HIVEP2: variants seen among roughly 807,000 people sequenced by gnomAD.
HIVEP2 encodes the protein transcription factor HIVEP2.
In HIVEP2, 14 loss-of-function variants were observed where a neutral mutation model predicts 180.7. That is an observed-to-expected ratio of 0.08 (90% CI 0.05 to 0.12). HIVEP2 has a LOEUF of 0.12. HIVEP2 is among the 10% of genes least tolerant of loss of function. The pLI is 1.00. For missense variants in HIVEP2, 2,579 were observed against 3,008.5 expected, an observed-to-expected ratio of 0.86 and a Z score of 3.34; for synonymous variants, 1,184 against 1,136.4, an observed-to-expected ratio of 1.04 and a Z score of -0.84.
intron 2 of HIVEP2, among the ~76,000 whole-genome samples, chr6:142,816,657 C>G (rs1263064361): frequency 6.6e-6 from 1 of 152,184 alleles, no homozygotes; most frequent in African/African-American, 2.4e-5. Flanking sequence ...CCTCCTAAAG[C>G]AAACTATACA....
In HIVEP2 at chr6:142,753,936, G is replaced by T; in HGVS notation, c.6517-5C>A. On this transcript the variant is annotated splice_polypyrimidine_tract_variant and splice_region_variant and intron_variant, in intron 9 of 9. Coordinates refer to ENST00000367603, the MANE Select transcript of HIVEP2 (RefSeq NM_006734.4). ...AGGTAATCCTCTTCTTAAATTCTGC[G>T]CAGAGAAACAAAGAGAGCACAAAAT... The T allele has an allele frequency of 1.3e-6, 2 of 1,517,792 alleles. No individual in the cohort carries two copies. Among genetic ancestry groups the T allele is most frequent in the South Asian group, 1.2e-5 (1 of 85,576 alleles). The allele number at this position is 1,517,792 out of a possible 1,614,324, so 94.0% of individuals were successfully genotyped here.
chr6:142,929,705 G>A (rs1208925996), intron 1 of HIVEP2, among the ~76,000 whole-genome samples: 1 of 152,164 alleles, frequency 6.6e-6, no homozygotes, highest in African/African-American at 2.4e-5. Context: ...AAGACTTGAA[G>A]TTTCCCAAAC....
rs201256757 is a variant in HIVEP2, at chr6:142,759,139, C to A, written c.6516+633G>T. Among the ~76,000 whole-genome samples the A allele has an allele frequency of 6.4e-4, 97 of 151,794 alleles. 1 individual carries two copies. The East Asian group carries it at 0.018, about 28-fold the overall frequency. On this transcript the variant is annotated intron_variant, in intron 9 of 9. Coordinates refer to ENST00000367603, the MANE Select transcript of HIVEP2 (RefSeq NM_006734.4). ...CAACATGGTGAAACCCTGCCTCTAC[C>A]AATAAATACAAAAATTAGCCAGGTG...
rs200035169 is a variant in HIVEP2, at chr6:142,773,659, A to G, written c.1080T>C (p.Asp360=). 6.2e-7 allele frequency: 1 copy of G among 1,614,198 alleles called. No homozygotes were observed. Among genetic ancestry groups the G allele is most frequent in the African/African-American group, 1.3e-5 (1 of 75,042 alleles). ...LPNPSLNTKA[D]DSHTVKQKLA... ...GTTTCTGTTTGACTGTGTGCGAATCATCAGCCTTAGTATTTAAAGATGGAT... is the reference window on the plus strand; with the variant it reads ...GTTTCTGTTTGACTGTGTGCGAATCGTCAGCCTTAGTATTTAAAGATGGAT... The change falls in exon 5 of 10, where the codon GAT becomes GAC. Residue 360 remains aspartate, a synonymous_variant. Transcript: ENST00000367603.
intron 6 of HIVEP2, among the ~76,000 whole-genome samples, 185 bp from the exon 7 acceptor site, chr6:142,765,159 T>A (rs1233796711): frequency 6.6e-6 from 1 of 152,190 alleles, no homozygotes; most frequent in Non-Finnish European, 1.5e-5. Context: ...AGATAATAGA[T>A]TTGGCACTGT....
intron 1 of HIVEP2, among the ~76,000 whole-genome samples, chr6:142,939,617 C>T (rs1778129776): frequency 1.3e-5 from 2 of 152,180 alleles, no homozygotes; most frequent in South Asian, 2.1e-4. Flanking sequence ...GAATCACCTC[C>T]TCTCATAAGA....
intron 1 of HIVEP2, among the ~76,000 whole-genome samples, chr6:142,853,858 G>A (rs1277763430): frequency 6.6e-6 from 1 of 152,138 alleles, no homozygotes; most frequent in African/African-American, 2.4e-5. Context: ...AAAGAGGGCA[G>A]GGAAAATAAG....
At chr6:142,809,691 T>A (rs1300976160) in intron 2 of HIVEP2, among the ~76,000 whole-genome samples, 1 of 152,116 alleles carries the variant, frequency 6.6e-6, no homozygotes, top group African/African-American at 2.4e-5. Flanking sequence ...CCTCCCTAGT[T>A]CAAGTGATTC....
At chr6:142,794,433 G>A (rs1776232942) in intron 2 of HIVEP2, among the ~76,000 whole-genome samples, 1 of 152,134 alleles carries the variant, frequency 6.6e-6, no homozygotes, top group African/African-American at 2.4e-5. Context: ...AATGACAGAA[G>A]CTCTCTGAAT....
At chr6:142,881,663 TTC>T (rs1776577204) in intron 1 of HIVEP2, among the ~76,000 whole-genome samples, 2 of 152,202 alleles carry the variant, frequency 1.3e-5, no homozygotes, top group Non-Finnish European at 2.9e-5. Flanking sequence ...ACAGATCTCC[TTC>T]TCTCTTAGAA....
At chr6:142,801,218 A>C (rs907736928) in intron 2 of HIVEP2, among the ~76,000 whole-genome samples, 1 of 150,472 alleles carries the variant, frequency 6.6e-6, no homozygotes. Flanking sequence ...AAAACGAGGG[A>C]ATACACACAA....
chr6:142,770,189 G>A lies in HIVEP2; in HGVS notation c.4550C>T (p.Ser1517Leu), dbSNP rs1004404974. 10 of 1,614,070 alleles carry A rather than the reference G, an allele frequency of 6.2e-6. No individual in the cohort carries two copies. The highest frequency in any genetic ancestry group is 1.3e-5 in the African/African-American group (1 of 74,934). The change falls in exon 5 of 10, where the codon TCG becomes TTG. Residue 1517 changes from serine to leucine, a missense_variant. By Grantham distance (145) the Ser-to-Leu change is moderately radical. Transcript: ENST00000367603. The surrounding 1 kb of genome is among the most constrained non-coding windows in gnomAD (Gnocchi z 4.7). ...GTCTTGAGATGAGGAGGGCGACAGC[G>A]AGGAGAAGGAAGATGACCCTGACTG... ...GLQSGSSSFS[S>L]LSPSSSQDYP... is the part of the protein sequence containing the mutation.
chr6:142,760,751 C>T lies in HIVEP2; in HGVS notation c.5621-84G>A, dbSNP rs775660791. On this transcript the variant is annotated intron_variant, in intron 8 of 9. Coordinates refer to ENST00000367603, the MANE Select transcript of HIVEP2 (RefSeq NM_006734.4). ...TATTTAAGCCTCATTTCTTTCTAAACGCTTTTCCCAATCCCTAGTGCCCAC... is the reference window on the plus strand; with the variant it reads ...TATTTAAGCCTCATTTCTTTCTAAATGCTTTTCCCAATCCCTAGTGCCCAC... The T allele has an allele frequency of 4.6e-5, 48 of 1,044,146 alleles. No homozygotes were observed. In the South Asian group the frequency reaches 5.0e-4, roughly 11 times the overall value. 64.7% of individuals were successfully genotyped at this position (1,044,146 alleles called of 1,614,324 possible).
chr6:142,786,743 CTT>C (rs975109102), intron 2 of HIVEP2, among the ~76,000 whole-genome samples: 1 of 152,188 alleles, frequency 6.6e-6, no homozygotes, highest in Non-Finnish European at 1.5e-5. Context: ...GTGGGGTTGT[CTT>C]TTTCCATTCT....
chr6:142,844,582 C>T (rs182263881), intron 1 of HIVEP2, among the ~76,000 whole-genome samples: 5 of 152,294 alleles, frequency 3.3e-5, no homozygotes, highest in Admixed American at 1.3e-4. Context: ...TTCTCTCCTA[C>T]CAAACTTCAC....
intron 7 of HIVEP2, among the ~76,000 whole-genome samples, chr6:142,762,560 G>A (rs566517974): frequency 8.6e-5 from 13 of 151,864 alleles, no homozygotes; most frequent in African/African-American, 2.7e-4. Context: ...GTTGTAAGGC[G>A]CCTTTACATC....
intron 2 of HIVEP2, among the ~76,000 whole-genome samples, chr6:142,809,431 C>T (rs1776634758): frequency 6.6e-6 from 1 of 152,130 alleles, no homozygotes; most frequent in South Asian, 2.1e-4. Flanking sequence ...AACTACTGCC[C>T]CCGTGTCTCT....
chr6:142,753,467 C>A lies in HIVEP2; in HGVS notation c.6981G>T (p.Gln2327His). Residue 2327 changes from glutamine to histidine, a missense_variant, in exon 10 of 10, where the codon CAG (glutamine) becomes CAT (histidine). Physicochemically the swap from Gln to His is conservative, Grantham distance 24 (BLOSUM62 0). Transcript: ENST00000367603. ...GAGAGGCAATGGCTTTTGTACAAGT[C>A]TGTATATTTTCCTCCTGTTCCCGCT... ...ATEREQEENI[Q>H]TCTKAIASLR... The A allele has an allele frequency of 6.2e-7, 1 of 1,614,018 alleles. No homozygotes were observed. Among genetic ancestry groups the A allele is most frequent in the African/African-American group, 1.3e-5 (1 of 75,038 alleles).
At chr6:142,866,526 CCT>C (rs1196646499) in intron 1 of HIVEP2, among the ~76,000 whole-genome samples, 1 of 149,428 alleles carries the variant, frequency 6.7e-6, no homozygotes. Context: ...TCCTTTATTA[CCT>C]CTTTCTCCCA....
Sources: allele counts gnomAD v4.1 joint callset (sites outside exome capture counted in the v4.1 genomes callset), GRCh38; gene constraint gnomAD v4.1.1; non-coding constraint Gnocchi (gnomAD v3.1); transcripts MANE v1.5; gene names NCBI Gene and HGNC (gene_info 2026-07-23, HGNC 2026-07-21).